ATP8A2: variants seen among roughly 807,000 people sequenced by gnomAD.
ATP8A2 encodes the protein ATPase phospholipid transporting 8A2.
A neutral mutation model predicts 165.6 loss-of-function variants in ATP8A2; 100 were observed. The ratio of observed to expected loss-of-function variants is 0.60; its 90% confidence interval spans 0.51 to 0.71. ATP8A2 has a LOEUF of 0.71. Ranked by LOEUF, ATP8A2 falls within the 30% of genes least tolerant of loss-of-function variation. The pLI is 0.00. For synonymous variants in ATP8A2, 543 were observed against 548.8 expected (o/e 0.99, Z 0.15); for missense variants, 1,227 against 1,479.5 (o/e 0.83, Z 2.80).
intron 26 of ATP8A2, among the ~76,000 whole-genome samples, chr13:25,769,491 C>T (rs2044571762): frequency 6.6e-6 from 1 of 152,220 alleles, no homozygotes; most frequent in South Asian, 2.1e-4. Flanking sequence ...GGTGCTGCTC[C>T]TGGCAGATAG....
intron 24 of ATP8A2, among the ~76,000 whole-genome samples, chr13:25,670,574 T>G (rs542801369): frequency 6.6e-6 from 1 of 152,336 alleles, no homozygotes; most frequent in African/African-American, 2.4e-5. Flanking sequence ...AGAAGACTGG[T>G]TTACCACCTT....
chr13:25,579,173 T>C (rs551821379), intron 21 of ATP8A2, among the ~76,000 whole-genome samples: 1 of 152,352 alleles, frequency 6.6e-6, no homozygotes, highest in East Asian at 1.9e-4. Flanking sequence ...TATGGTTATT[T>C]TCCTGTCCCT....
intron 27 of ATP8A2, among the ~76,000 whole-genome samples, chr13:25,780,841 C>T (rs1344331391): frequency 6.6e-6 from 1 of 152,096 alleles, no homozygotes; most frequent in Non-Finnish European, 1.5e-5. Flanking sequence ...CAATATTGCC[C>T]GCTAGCCCTC....
At chr13:25,910,751 G>A (rs1025381189) in intron 33 of ATP8A2, among the ~76,000 whole-genome samples, 1 of 152,130 alleles carries the variant, frequency 6.6e-6, no homozygotes, top group African/African-American at 2.4e-5. Flanking sequence ...CAATATCCAT[G>A]TATTAATACA....
At position 25,469,072 on chromosome 13, in the gene ATP8A2, A is replaced by G. The variant is rs1184888672; in HGVS notation, c.172A>G (p.Ile58Val). The G allele has an allele frequency of 5.6e-6, 9 of 1,614,014 alleles. No homozygotes were observed. The highest frequency in any genetic ancestry group is 7.6e-6 in the Non-Finnish European group (9 of 1,179,906). ...GDQLEAPART[I>V]YLNQPHLNKF... ...CCAGCTGGAGGCACCCGCCCGCACCATTTACCTCAACCAACCGCATCTCAA... is the reference window on the plus strand; with the variant it reads ...CCAGCTGGAGGCACCCGCCCGCACCGTTTACCTCAACCAACCGCATCTCAA... The change falls in exon 2 of 37, where the codon ATT (isoleucine) becomes GTT (valine). Residue 58 changes from isoleucine (I) to valine (V), a missense_variant. By Grantham distance (29) the Ile-to-Val change is conservative. Around this residue, in one of 5 missense-constraint regions of ATP8A2, gnomAD observed 356 missense variants for 394.9 expected, o/e 0.90. Transcript: ENST00000381655.
intron 24 of ATP8A2, among the ~76,000 whole-genome samples, chr13:25,653,324 A>G (rs184012087): frequency 6.6e-6 from 1 of 152,324 alleles, no homozygotes; most frequent in East Asian, 1.9e-4. Context: ...AGCTGGAGTT[A>G]TTAGCCTTAG....
intron 27 of ATP8A2, among the ~76,000 whole-genome samples, chr13:25,793,410 T>G (rs1043238914): frequency 7.9e-5 from 12 of 152,200 alleles, no homozygotes; most frequent in African/African-American, 2.9e-4. Context: ...CATTTCTACA[T>G]GACATGGTAA....
chr13:25,650,663 T>C (rs2041790416), intron 24 of ATP8A2, among the ~76,000 whole-genome samples: 1 of 152,236 alleles, frequency 6.6e-6, no homozygotes, highest in Non-Finnish European at 1.5e-5. Context: ...ATGCTTATTG[T>C]AGATTTTCTG....
chr13:25,829,698 A>G (rs1436571407), intron 28 of ATP8A2, among the ~76,000 whole-genome samples: 2 of 62,686 alleles, frequency 3.2e-5, no homozygotes, highest in African/African-American at 1.1e-4. Flanking sequence ...ATATATATAT[A>G]TATATATATA....
chr13:25,798,957 C>T (rs1950554783), intron 27 of ATP8A2, among the ~76,000 whole-genome samples: 1 of 151,688 alleles, frequency 6.6e-6, no homozygotes, highest in South Asian at 2.1e-4. Context: ...AGTTTGAGAC[C>T]AGCCTGGGCA....
chr13:25,796,424 CCT>C (rs1228483232), intron 27 of ATP8A2, among the ~76,000 whole-genome samples: 1 of 152,086 alleles, frequency 6.6e-6, no homozygotes, highest in African/African-American at 2.4e-5. Context: ...CATTTGGGAC[CCT>C]CTCTTCACTG....
intron 25 of ATP8A2, among the ~76,000 whole-genome samples, chr13:25,761,685 T>A (rs1355853458): frequency 6.6e-6 from 1 of 150,552 alleles, no homozygotes; most frequent in Admixed American, 6.7e-5. Flanking sequence ...TATGATAAGG[T>A]ATATATATAC....
chr13:25,413,898 T>A (rs1006184421), intron 1 of ATP8A2, among the ~76,000 whole-genome samples: 8 of 152,052 alleles, frequency 5.3e-5, no homozygotes. Flanking sequence ...ACTGATGAGG[T>A]TTATCATTTT....
chr13:25,401,840 T>A lies in ATP8A2; in HGVS notation c.76+29552T>A, dbSNP rs1024902075. Among the ~76,000 whole-genome samples the A allele has an allele frequency of 3.3e-5, 5 of 152,242 alleles. No individual in the cohort carries two copies. The East Asian group carries it at 9.6e-4, about 29-fold the overall frequency. The stretch of plus-strand genomic sequence containing the variant: ...GAACAATGATAATAATATACCAACA[T>A]CACTACTGTTGTGCTTTGGGGCTAT... On this transcript the variant is annotated intron_variant, in intron 1 of 36. Coordinates refer to ENST00000381655, the MANE Select transcript of ATP8A2 (RefSeq NM_016529.6).
In ATP8A2 at chr13:25,953,708, C is replaced by A. The variant is rs531048610; in HGVS notation, c.3184-7867C>A. On this transcript the variant is annotated intron_variant, in intron 33 of 36. Coordinates refer to ENST00000381655, the MANE Select transcript of ATP8A2 (RefSeq NM_016529.6). This position sits in a 1 kb window ranked among gnomAD's most constrained non-coding sequence, Gnocchi z 6.7. ...TGGGTGCAGCCCACGGAGGGCAAGC[C>A]GAAGCAGGGTGGGGCGTTGCCTCAC... is the stretch of plus-strand genomic sequence containing the variant. Among the ~76,000 whole-genome samples the A allele has an allele frequency of 6.6e-6, 1 of 152,054 alleles. No individual in the cohort carries two copies. Among genetic ancestry groups the A allele is most frequent in the African/African-American group, 2.4e-5 (1 of 41,496 alleles).
Position 25,943,795 on chromosome 13 carries a change from A to G in ATP8A2, c.3184-17780A>G, listed in dbSNP as rs867022783. On this transcript the variant is annotated intron_variant, in intron 33 of 36. Coordinates refer to ENST00000381655, the MANE Select transcript of ATP8A2 (RefSeq NM_016529.6). ...CAATCAAACCTGGCTGCCTGTGTAGACTCCCAGCCTTCTATTCATGGATAA... is the reference window on the plus strand; with the variant it reads ...CAATCAAACCTGGCTGCCTGTGTAGGCTCCCAGCCTTCTATTCATGGATAA... Among the ~76,000 whole-genome samples the G allele has an allele frequency of 6.6e-5, 10 of 152,020 alleles. No homozygotes were observed. The South Asian group carries it at 8.4e-4, about 13-fold the overall frequency.
At chr13:25,695,272 G>T (rs9511879) in intron 24 of ATP8A2, among the ~76,000 whole-genome samples, 2 of 151,832 alleles carry the variant, frequency 1.3e-5, no homozygotes, top group Non-Finnish European at 2.9e-5. Flanking sequence ...ACTAAAATAC[G>T]CTAACAATCG....
chr13:25,756,572 C>T (rs1292151065), intron 25 of ATP8A2, among the ~76,000 whole-genome samples: 1 of 152,172 alleles, frequency 6.6e-6, no homozygotes, highest in Non-Finnish European at 1.5e-5. Flanking sequence ...AGCAAGAAGA[C>T]ACTTGCTTGT....
chr13:25,852,877 C>A (rs1365291546), intron 30 of ATP8A2, among the ~76,000 whole-genome samples: 1 of 151,370 alleles, frequency 6.6e-6, no homozygotes, highest in African/African-American at 2.4e-5. Context: ...GCACTACAGC[C>A]TGGGCAACAA....
Sources: gnomAD v4.1 joint callset for allele counts (sites outside exome capture counted in the v4.1 genomes callset) on GRCh38, gnomAD v4.1.1 for gene constraint, gnomAD v4.1.1 regional missense constraint, Gnocchi (gnomAD v3.1) non-coding constraint, MANE v1.5 for transcripts, NCBI Gene and HGNC (gene_info 2026-07-23, HGNC 2026-07-21) for gene names.